DYM: variants seen among roughly 807,000 people sequenced by gnomAD.
The protein encoded by DYM is dyggve-Melchior-Clausen syndrome protein.
DYM carries 78 observed loss-of-function variants against 93.1 expected under a neutral mutation model. The ratio of observed to expected loss-of-function variants is 0.84; its 90% CI spans 0.70 to 1.01. The LOEUF (loss-of-function observed/expected upper bound fraction) is 1.01, where lower values mean the gene tolerates loss of function less well. DYM is among the 50% of genes least tolerant of loss of function. The pLI is 0.00. For missense variants in DYM, 789 were observed against 845.0 expected, an observed-to-expected ratio of 0.93 and a Z score of 0.82; for synonymous variants, 321 against 319.7, an observed-to-expected ratio of 1.00 and a Z score of -0.04.
intron 2 of DYM, among the ~76,000 whole-genome samples, chr18:49,407,298 T>C (rs142112391): frequency 6.6e-6 from 1 of 152,204 alleles, no homozygotes; most frequent in South Asian, 2.1e-4. Context: ...TATAGAGCTA[T>C]ACATAAACAC....
intron 13 of DYM, among the ~76,000 whole-genome samples, chr18:49,226,964 A>C (rs1186011879): frequency 6.6e-6 from 1 of 152,134 alleles, no homozygotes; most frequent in Non-Finnish European, 1.5e-5. Context: ...TACTTGTTTT[A>C]AAAAAATCTA....
Position 49,286,434 on chromosome 18 carries a change from C to G in DYM, c.946G>C (p.Asp316His). ...QAIMSFKNTQ[D>H]SSPFPSSIPH... is the part of the protein sequence containing the mutation. The stretch of plus-strand genomic sequence containing the variant: ...ATATTAGAGAAAAAATACCACAAAC[C>G]TTGTGTGTTCTTGAAGGACATAATG... Residue 316 changes from aspartate to histidine, a missense_variant and splice_region_variant, in exon 9 of 18, where the codon GAT (aspartate) becomes CAT (histidine). Transcript: ENST00000675505. 6.2e-7 allele frequency: 1 copy of G among 1,614,046 alleles called. No homozygotes were observed. Among genetic ancestry groups the G allele is most frequent in the Non-Finnish European group, 8.5e-7 (1 of 1,179,948 alleles).
At chr18:49,238,247 A>G (rs770978669) in intron 13 of DYM, among the ~76,000 whole-genome samples, 9 of 152,048 alleles carry the variant, frequency 5.9e-5, no homozygotes, top group Non-Finnish European at 1.0e-4. Context: ...TTAAACTGCA[A>G]TTTTCTTATT....
In DYM at chr18:49,097,432, G is replaced by A. The variant is rs370290857; in HGVS notation, c.1995C>T (p.Gly665=). ...VERVLEIIKQ[G]VVALPKDRLK... ...GTCTGTCTTTGGGCAGCGCAACGACGCCTTGCTTAATGATTTCCAGGACCC... is the reference window on the plus strand; with the variant it reads ...GTCTGTCTTTGGGCAGCGCAACGACACCTTGCTTAATGATTTCCAGGACCC... Residue 665 remains glycine (G), a synonymous_variant, in exon 17 of 18, where the codon GGC becomes GGT. Transcript: ENST00000675505. The A allele has an allele frequency of 4.3e-6, 7 of 1,613,966 alleles. No individual in the cohort carries two copies. Among genetic ancestry groups the A allele is most frequent in the South Asian group, 1.1e-5 (1 of 91,070 alleles).
At chr18:49,059,225 T>G (rs1453033593) in intron 17 of DYM, among the ~76,000 whole-genome samples, 1 of 152,222 alleles carries the variant, frequency 6.6e-6, no homozygotes, top group African/African-American at 2.4e-5. Context: ...TAGAGGGTGC[T>G]GTCTACGAAC....
intron 17 of DYM, among the ~76,000 whole-genome samples, chr18:49,079,315 T>C (rs1052464221): frequency 1.8e-4 from 28 of 152,368 alleles, no homozygotes; most frequent in African/African-American, 6.7e-4. Flanking sequence ...GAAAATGTGT[T>C]CCATTTTCTT....
Position 49,355,420 on chromosome 18 carries a change from T to C in DYM, c.494+7741A>G, listed in dbSNP as rs137920908. ...TACATTGATACACTGATAGATACAA[T>C]TGACAGATACAATTGATACACTGAT... is the stretch of plus-strand genomic sequence containing the variant. On this transcript the variant is annotated intron_variant, in intron 6 of 17. Transcript: ENST00000675505. Among the ~76,000 whole-genome samples, 89 of 152,172 alleles carry C rather than the reference T, an allele frequency of 5.8e-4. 2 individuals carry two copies. In the East Asian group the frequency reaches 0.015, roughly 26 times the overall value.
chr18:49,163,551 G>A, intron 15 of DYM, 134 bp downstream of exon 15: 1 of 624,196 alleles, frequency 1.6e-6, no homozygotes, highest in South Asian at 1.6e-5. Context: ...TCACCATGTT[G>A]GCCAGGCTGG....
chr18:49,441,312 A>AT (rs1934455342), intron 1 of DYM, among the ~76,000 whole-genome samples: 1 of 35,984 alleles, frequency 2.8e-5, no homozygotes, highest in South Asian at 8.1e-4. Context: ...TATATAATTA[A>AT]TATATAATTA....
chr18:49,431,560 G>A (rs1181433775), intron 1 of DYM, among the ~76,000 whole-genome samples: 1 of 152,046 alleles, frequency 6.6e-6, no homozygotes, highest in Non-Finnish European at 1.5e-5. Context: ...GTTTTATCTT[G>A]ATTTGTTCAG....
intron 1 of DYM, among the ~76,000 whole-genome samples, chr18:49,456,175 G>A (rs2082965415): frequency 6.6e-6 from 1 of 152,142 alleles, no homozygotes; most frequent in Admixed American, 6.5e-5. Context: ...GAAATCAAGG[G>A]CCATACTTTA....
chr18:49,404,057 G>C (rs901492291), intron 2 of DYM, among the ~76,000 whole-genome samples: 7 of 151,780 alleles, frequency 4.6e-5, no homozygotes, highest in Non-Finnish European at 1.0e-4. Context: ...ACCCAGGCTG[G>C]AGTGCAATGG....
intron 3 of DYM, among the ~76,000 whole-genome samples, chr18:49,386,827 T>C (rs1249809156): frequency 2.6e-5 from 4 of 152,220 alleles, no homozygotes; most frequent in African/African-American, 9.6e-5. Flanking sequence ...AATTGAAGGT[T>C]TGTGGCAACC....
At chr18:49,234,360 G>A (rs2093798309) in intron 13 of DYM, among the ~76,000 whole-genome samples, 1 of 152,050 alleles carries the variant, frequency 6.6e-6, no homozygotes, top group South Asian at 2.1e-4. Context: ...GGGAAGCTGA[G>A]GTGGGAGGAT....
chr18:49,373,243 C>T (rs940169040), intron 5 of DYM, among the ~76,000 whole-genome samples: 3 of 151,842 alleles, frequency 2.0e-5, no homozygotes, highest in Non-Finnish European at 4.4e-5. Flanking sequence ...AGGACTAGTC[C>T]GCAATGCAAA....
intron 15 of DYM, among the ~76,000 whole-genome samples, chr18:49,149,234 C>A (rs2085528445): frequency 6.6e-6 from 1 of 152,116 alleles, no homozygotes; most frequent in Non-Finnish European, 1.5e-5. Flanking sequence ...GCTGCCAACA[C>A]AGATGAAGCT....
intron 17 of DYM, among the ~76,000 whole-genome samples, chr18:49,053,692 CTTTT>C (rs1378579567): frequency 2.6e-5 from 4 of 152,246 alleles, no homozygotes; most frequent in South Asian, 2.1e-4. Context: ...CATTTACATT[CTTTT>C]TTTAATTCTG....
chr18:49,410,647 C>A lies in DYM; in HGVS notation c.141-19002G>T, dbSNP rs565160651. ...CAACATAGTGAGACCTTTTCTCTAC[C>A]AAAAAAAAAAAAAAAATTAGCTGGG... On this transcript the variant is annotated intron_variant, in intron 2 of 17. Coordinates refer to ENST00000675505, the MANE Select transcript of DYM (RefSeq NM_001353214.3). 7.3e-4 allele frequency among the ~76,000 whole-genome samples: 98 copies of A among 134,796 alleles called. 1 individual carries two copies. The South Asian group carries it at 0.016, about 22-fold the overall frequency. The allele number at this position is 134,796 out of a possible 152,430, so 88.4% of individuals were successfully genotyped here.
intron 2 of DYM, among the ~76,000 whole-genome samples, chr18:49,425,023 T>C (rs146284764): frequency 0.09 from 13,684 of 152,088 alleles, 851 homozygotes; most frequent in East Asian, 0.31. Context: ...TGACTTTCTT[T>C]ACAGAATTGG....
Sources: allele counts gnomAD v4.1 joint callset (sites outside exome capture counted in the v4.1 genomes callset), GRCh38; gene constraint gnomAD v4.1.1; transcripts MANE v1.5; gene names NCBI Gene and HGNC (gene_info 2026-07-23, HGNC 2026-07-21).